Variants in EPHA6 observed in about 807,000 individuals in gnomAD.
EPHA6 encodes ephrin type-A receptor 6.
In EPHA6, 50 loss-of-function variants were observed where a neutral mutation model predicts 112.0. The ratio of observed to expected loss-of-function variants is 0.45; its 90% CI spans 0.36 to 0.56. EPHA6 has a LOEUF of 0.56. EPHA6 is among the 20% of genes least tolerant of loss of function. The pLI is 0.00. For synonymous variants in EPHA6, 529 were observed against 490.7 expected, an observed-to-expected ratio of 1.08 and a Z score of -1.03; for missense variants, 1,280 against 1,417.4, an observed-to-expected ratio of 0.90 and a Z score of 1.56.
chr3:97,388,417 C>A (rs2086198256), intron 5 of EPHA6, among the ~76,000 whole-genome samples: 1 of 151,854 alleles, frequency 6.6e-6, no homozygotes. Flanking sequence ...CAAAGGTGTT[C>A]ACAGAGAAAT....
At chr3:97,014,001 T>G (rs577823827) in intron 3 of EPHA6, among the ~76,000 whole-genome samples, 114 of 152,274 alleles carry the variant, frequency 7.5e-4, no homozygotes, top group Middle Eastern at 6.8e-3. Context: ...ATTTTTGCCC[T>G]TTAAAGAACT....
At chr3:96,867,199 A>G (rs767069668) in intron 2 of EPHA6, among the ~76,000 whole-genome samples, 7 of 151,870 alleles carry the variant, frequency 4.6e-5, no homozygotes, top group Admixed American at 1.3e-4. Flanking sequence ...TGTTACATTT[A>G]TGTTAAATTT....
intron 7 of EPHA6, among the ~76,000 whole-genome samples, chr3:97,456,376 T>C (rs9863117): frequency 6.6e-6 from 1 of 152,088 alleles, no homozygotes; most frequent in East Asian, 1.9e-4. Context: ...CTTATTCATC[T>C]TATAACTGAA....
intron 10 of EPHA6, among the ~76,000 whole-genome samples, chr3:97,494,066 G>T (rs2091917535): frequency 6.6e-6 from 1 of 152,174 alleles, no homozygotes; most frequent in African/African-American, 2.4e-5. Flanking sequence ...GCTTTGACCA[G>T]GATGTACCTA....
chr3:97,453,894 T>A (rs1215381022), intron 7 of EPHA6, among the ~76,000 whole-genome samples: 1 of 151,754 alleles, frequency 6.6e-6, no homozygotes, highest in Non-Finnish European at 1.5e-5. Context: ...AAATTCCATT[T>A]GCACACTTAA....
intron 14 of EPHA6, among the ~76,000 whole-genome samples, chr3:97,650,334 A>G (rs1438254380): frequency 6.6e-6 from 1 of 152,128 alleles, no homozygotes; most frequent in Non-Finnish European, 1.5e-5. Context: ...ACAATGGCAG[A>G]TGTTAAGCAT....
At chr3:97,114,607 C>T (rs1430180942) in intron 3 of EPHA6, among the ~76,000 whole-genome samples, 1 of 151,954 alleles carries the variant, frequency 6.6e-6, no homozygotes, top group Non-Finnish European at 1.5e-5. Context: ...TAATCAGTCT[C>T]CTAGAGCTTC....
chr3:97,303,611 A>G, intron 5 of EPHA6, among the ~76,000 whole-genome samples: 1 of 151,980 alleles, frequency 6.6e-6, no homozygotes, highest in African/African-American at 2.4e-5. Context: ...GAGAAATAGA[A>G]AGATTACAGA....
At chr3:97,418,328 T>TA (rs2088307840) in intron 6 of EPHA6, among the ~76,000 whole-genome samples, 1 of 152,008 alleles carries the variant, frequency 6.6e-6, no homozygotes, top group Non-Finnish European at 1.5e-5. Context: ...AATACTTATA[T>TA]GAATAATGGC....
chr3:97,132,049 T>C (rs1367332114), intron 3 of EPHA6, among the ~76,000 whole-genome samples: 1 of 152,086 alleles, frequency 6.6e-6, no homozygotes, highest in Non-Finnish European at 1.5e-5. Context: ...ATTACCCATG[T>C]GTGAAAAACC....
Position 96,939,197 on chromosome 3 carries a change from G to T in EPHA6, c.451-48133G>T, listed in dbSNP as rs1362437753. On this transcript the variant is annotated intron_variant, in intron 2 of 17. Coordinates refer to ENST00000389672, the MANE Select transcript of EPHA6 (RefSeq NM_001080448.3). ...GAAGGAATGGTACCAGCTCCTCCTT[G>T]TACCTCTGGTAGAATTCGGCTGTGA... 2.6e-5 allele frequency among the ~76,000 whole-genome samples: 4 copies of T among 152,158 alleles called. No homozygotes were observed. The East Asian group carries it at 5.8e-4, about 22-fold the overall frequency.
intron 1 of EPHA6, among the ~76,000 whole-genome samples, chr3:96,829,945 GCGCGCACACACACACAC>G (rs2033924490): frequency 1.1e-5 from 1 of 86,968 alleles, no homozygotes; most frequent in African/African-American, 3.9e-5. Context: ...ATGTGCGCGC[GCGCGCACACACACACAC>G]ACACACACAC....
chr3:97,740,765 CAACATTTTGATAT>C (rs908060034), intron 16 of EPHA6, among the ~76,000 whole-genome samples: 17 of 152,240 alleles, frequency 1.1e-4, no homozygotes, highest in African/African-American at 4.1e-4. Flanking sequence ...CAATAACTTC[CAACATTTTGATAT>C]AAAATTTTCT....
At chr3:97,252,197 G>A (rs1422303314) in intron 5 of EPHA6, among the ~76,000 whole-genome samples, 2 of 152,018 alleles carry the variant, frequency 1.3e-5, no homozygotes, top group Admixed American at 1.3e-4. Flanking sequence ...CACGGTGCCT[G>A]TCCAGAGAGC....
At chr3:96,874,552 A>C (rs1351317755) in intron 2 of EPHA6, among the ~76,000 whole-genome samples, 3 of 152,142 alleles carry the variant, frequency 2.0e-5, no homozygotes, top group Non-Finnish European at 4.4e-5. Context: ...TGTCATTCTC[A>C]AAATGTCTTC....
At chr3:97,256,987 G>A (rs2079335703) in intron 5 of EPHA6, among the ~76,000 whole-genome samples, 1 of 151,894 alleles carries the variant, frequency 6.6e-6, no homozygotes, top group East Asian at 1.9e-4. Context: ...TCTGATTAAA[G>A]AAACCGAAGA....
At chr3:96,880,520 C>T (rs1241603666) in intron 2 of EPHA6, among the ~76,000 whole-genome samples, 2 of 151,960 alleles carry the variant, frequency 1.3e-5, no homozygotes, top group African/African-American at 4.8e-5. Flanking sequence ...ATATTTTCCC[C>T]CCTTTTAAAA....
Position 97,448,748 on chromosome 3 carries a change from A to C in EPHA6, c.1894+18A>C. On this transcript the variant is annotated intron_variant, in intron 7 of 17. Coordinates refer to ENST00000389672, the MANE Select transcript of EPHA6 (RefSeq NM_001080448.3). ...AGATGAAAGTAAGTTTCACACAAGG[A>C]TATAACATAAGATGTGAATTTAGTA... The C allele has an allele frequency of 6.2e-7, 1 of 1,611,688 alleles. No individual in the cohort carries two copies. The highest frequency in any genetic ancestry group is 8.5e-7 in the Non-Finnish European group (1 of 1,178,048).
intron 16 of EPHA6, among the ~76,000 whole-genome samples, chr3:97,736,470 A>AGAGAGTGT (rs576699039): frequency 8.4e-6 from 1 of 118,812 alleles, no homozygotes; most frequent in African/African-American, 3.5e-5. Flanking sequence ...AGAGAGAGAG[A>AGAGAGTGT]GTGTGTGTGT....
Sources: allele counts gnomAD v4.1 joint callset (sites outside exome capture counted in the v4.1 genomes callset), GRCh38; gene constraint gnomAD v4.1.1; transcripts MANE v1.5; gene names NCBI Gene and HGNC (gene_info 2026-07-23, HGNC 2026-07-21).